The following METTL25B variants were observed in gnomAD, a reference collection of about 807,000 sequenced individuals.
METTL25B encodes the protein methyltransferase-like protein 25B.
A neutral mutation model predicts 48.4 loss-of-function variants in METTL25B; 38 were observed. The ratio of observed to expected loss-of-function variants is 0.78; its 90% CI spans 0.61 to 1.03. METTL25B has a LOEUF of 1.03. METTL25B is among the 50% of genes least tolerant of loss of function. The probability of loss-of-function intolerance (pLI) is 0.00; values close to 1 mark genes in which losing one functional copy is unlikely to be tolerated. For synonymous variants in METTL25B, 230 were observed against 254.5 expected (o/e 0.90, Z 0.92); for missense variants, 537 against 603.7 (o/e 0.89, Z 1.16).
intron 7 of METTL25B, 125 bp from the exon 8 acceptor site, chr1:156,736,507 G>T: frequency 9.2e-7 from 1 of 1,091,510 alleles, no homozygotes. Flanking sequence ...TATGGAGAAC[G>T]GGGTCTCCTT....
intron 3 of METTL25B, 133 bp downstream of exon 3, chr1:156,732,606 T>C: frequency 2.5e-6 from 2 of 801,172 alleles, no homozygotes; most frequent in Non-Finnish European, 3.9e-6. Flanking sequence ...TCAACAGACA[T>C]AACTAATCAT....
chr1:156,736,500 G>A, intron 7 of METTL25B, 132 bp from the exon 8 acceptor site: 1 of 1,021,968 alleles, frequency 9.8e-7, no homozygotes, highest in South Asian at 1.6e-5. Context: ...TGTTCCTTAT[G>A]GAGAACGGGG....
Position 156,728,514 on chromosome 1 carries a change from C to T in METTL25B, c.-591C>T, listed in dbSNP as rs1378602936. ...GGGAAGGCAGGCGCGCGGGTTAGAA[C>T]GCGCCAGAGGTCGGCGCGCGCACAC... is the stretch of plus-strand genomic sequence containing the variant. On this transcript the variant is annotated 5_prime_UTR_variant, in exon 1 of 8. In the 5' UTR this introduces an upstream ATG that the reference lacks. Coordinates refer to ENST00000368216, the MANE Select transcript of METTL25B (RefSeq NM_015997.4). 1 of 985,634 alleles carries T rather than the reference C, an allele frequency of 1.0e-6. No homozygotes were observed. Among genetic ancestry groups the T allele is most frequent in the East Asian group, 1.1e-4 (1 of 8,802 alleles). The allele number at this position is 985,634 out of a possible 1,614,324, so 61.1% of individuals were successfully genotyped here. A position where few individuals can be genotyped will look rare whatever the true frequency, so the allele number is the denominator to read the frequency against.
intron 1 of METTL25B, 109 bp downstream of exon 1, chr1:156,729,324 A>C: frequency 1.5e-6 from 1 of 664,034 alleles, no homozygotes; most frequent in South Asian, 1.7e-5. Flanking sequence ...TCCTTCTATG[A>C]GTTTCAGTCT....
intron 1 of METTL25B, among the ~76,000 whole-genome samples, chr1:156,731,106 ATGT>A (rs1290281146): frequency 6.6e-6 from 1 of 152,012 alleles, no homozygotes; most frequent in Non-Finnish European, 1.5e-5. Flanking sequence ...ATGACATATG[ATGT>A]TGTCTGAAGT....
At chr1:156,736,536 C>T in intron 7 of METTL25B, 96 bp from the exon 8 acceptor site, 1 of 1,470,774 alleles carries the variant, frequency 6.8e-7, no homozygotes, top group Non-Finnish European at 9.3e-7. Flanking sequence ...TGGATCCTCC[C>T]CCATGGGGAA....
chr1:156,735,961 G>A (rs770287063), intron 7 of METTL25B, 52 bp downstream of exon 7: 1 of 1,496,072 alleles, frequency 6.7e-7, no homozygotes. Context: ...TGGGGTTCTG[G>A]GGCTCCTTCT....
In METTL25B at chr1:156,732,982, C is replaced by A. The variant is rs1649423400; in HGVS notation, c.430-3C>A. The A allele has an allele frequency of 6.2e-7, 1 of 1,613,702 alleles. No homozygotes were observed. The highest frequency in any genetic ancestry group is 8.5e-7 in the Non-Finnish European group (1 of 1,179,870). On this transcript the variant is annotated splice_polypyrimidine_tract_variant and splice_region_variant and intron_variant, in intron 3 of 7. Transcript: ENST00000368216. ...AGGAGACCTTTGTTTCCTCCTTTTT[C>A]AGTTGGTGAAGAAGCTGAGTGATTT...
chr1:156,731,557 A>T (rs1039975163), intron 1 of METTL25B, among the ~76,000 whole-genome samples: 9 of 152,236 alleles, frequency 5.9e-5, no homozygotes, highest in African/African-American at 1.9e-4. Flanking sequence ...TGGTGGACGA[A>T]TGAATAAAAA....
chr1:156,734,423 C>T lies in METTL25B; in HGVS notation c.1051C>T (p.Arg351Trp), dbSNP rs776471319. The T allele has an allele frequency of 3.9e-5, 62 of 1,609,562 alleles. No homozygotes were observed. Among genetic ancestry groups the T allele is most frequent in the East Asian group, 6.7e-5 (3 of 44,636 alleles). ...YRAALETVIR[R>W]ARPELRRPGV... ...TGCAGCACTGGAGACAGTCATCCGA[C>T]GGGCCCGGCCCGAGCTCCGTCGGCC... is the stretch of plus-strand genomic sequence containing the variant. The change falls in exon 6 of 8, where the codon CGG (arginine) becomes TGG (tryptophan). Residue 351 changes from arginine to tryptophan, a missense_variant. By Grantham distance (101) the Arg-to-Trp change is moderately radical. Coordinates refer to ENST00000368216, the MANE Select transcript of METTL25B (RefSeq NM_015997.4).
rs1649832333 is a variant in METTL25B, at chr1:156,736,641, C to G, written c.1316C>G (p.Ala439Gly). The G allele has an allele frequency of 6.2e-7, 1 of 1,613,944 alleles. No homozygotes were observed. The highest frequency in any genetic ancestry group is 1.3e-5 in the African/African-American group (1 of 74,932). Residue 439 changes from alanine (A) to glycine (G), a missense_variant, in exon 8 of 8, where the codon GCT becomes GGT. Ala to Gly is a moderately conservative substitution (Grantham distance 60). Coordinates refer to ENST00000368216, the MANE Select transcript of METTL25B (RefSeq NM_015997.4). ...LLYLQEQGFH[A>G]ELLPIFSPEL... ...AAGCCCTTTCTCCCAGGTTTCCATGCTGAGCTCCTGCCCATCTTCAGTCCT... is the reference window on the plus strand; with the variant it reads ...AAGCCCTTTCTCCCAGGTTTCCATGGTGAGCTCCTGCCCATCTTCAGTCCT...
rs1649862572 is a variant in METTL25B, at chr1:156,736,893, T to C, written c.*140T>C. ...CTTCAGTTTCATCCCCTTTCTCTCC[T>C]TCCATGGATTATGTAATACATTGTA... On this transcript the variant is annotated 3_prime_UTR_variant, in exon 8 of 8. Transcript: ENST00000368216. 1 of 737,922 alleles carries C rather than the reference T, an allele frequency of 1.4e-6. No individual in the cohort carries two copies. Among genetic ancestry groups the C allele is most frequent in the Non-Finnish European group, 2.1e-6 (1 of 465,744 alleles). 45.7% of individuals were successfully genotyped at this position (737,922 alleles called of 1,614,324 possible).
chr1:156,733,594 A>G (rs1571514266), intron 5 of METTL25B, 74 bp downstream of exon 5: 1 of 1,489,244 alleles, frequency 6.7e-7, no homozygotes, highest in Non-Finnish European at 9.2e-7. Flanking sequence ...CAGAGGCTGG[A>G]TTACATCTTT....
intron 1 of METTL25B, among the ~76,000 whole-genome samples, chr1:156,730,929 A>G (rs983311042): frequency 1.3e-5 from 2 of 152,256 alleles, no homozygotes; most frequent in African/African-American, 2.4e-5. Flanking sequence ...AAGGTGTTAA[A>G]TAAGTGTTTG....
At chr1:156,736,119 G>A (rs1649772163) in intron 7 of METTL25B, 2 of 425,958 alleles carry the variant, frequency 4.7e-6, no homozygotes, top group Non-Finnish European at 8.4e-6. Flanking sequence ...TATAATCCCA[G>A]CACTTTAGGA....
At position 156,728,591 on chromosome 1, in the gene METTL25B, G is replaced by A. The variant is rs550703904; in HGVS notation, c.-514G>A. On this transcript the variant is annotated 5_prime_UTR_variant, in exon 1 of 8. Coordinates refer to ENST00000368216, the MANE Select transcript of METTL25B (RefSeq NM_015997.4). The stretch of plus-strand genomic sequence containing the variant: ...AGGCCAGTGATTCCGAGTGTGTGAG[G>A]AGCGGCAGTGGCGGCGGAGGAGGGG... The A allele has an allele frequency of 5.1e-6, 5 of 985,818 alleles. No individual in the cohort carries two copies. In the South Asian group the frequency reaches 1.8e-4, roughly 36 times the overall value. The allele number at this position is 985,818 out of a possible 1,614,324, so 61.1% of individuals were successfully genotyped here. A position where few individuals can be genotyped will look rare whatever the true frequency, so the allele number is the denominator to read the frequency against.
chr1:156,733,342 G>T, intron 4 of METTL25B, 35 bp from the exon 5 acceptor site: 1 of 1,613,176 alleles, frequency 6.2e-7, no homozygotes, highest in Non-Finnish European at 8.5e-7. Context: ...ATAGGGCACT[G>T]AACAGGGCTG....
chr1:156,733,327 A>G, intron 4 of METTL25B, 50 bp from the exon 5 acceptor site: 1 of 1,601,140 alleles, frequency 6.2e-7, no homozygotes, highest in Admixed American at 1.7e-5. Flanking sequence ...GGAGGGTGAT[A>G]GTGGATAGGG....
rs1649519397 is a variant in METTL25B at position 156,734,112 on chromosome 1, A to T, written c.740A>T (p.Gln247Leu). ...ELLLPLENPCQGRARLLLTGL... is the reference protein window; with the variant it reads ...ELLLPLENPCLGRARLLLTGL... ...CTGCTTCCACTGGAGAACCCGTGTC[A>T]GGGCAGGGCCCGCTTGCTGCTCACA... is the stretch of plus-strand genomic sequence containing the variant. The change falls in exon 6 of 8, where the codon CAG becomes CTG. Residue 247 changes from glutamine to leucine, a missense_variant. By Grantham distance (113) the Gln-to-Leu change is moderately radical. Coordinates refer to ENST00000368216, the MANE Select transcript of METTL25B (RefSeq NM_015997.4). 6.2e-7 allele frequency: 1 copy of T among 1,614,204 alleles called. No homozygotes were observed. The highest frequency in any genetic ancestry group is 8.5e-7 in the Non-Finnish European group (1 of 1,180,040).
Sources: allele counts gnomAD v4.1 joint callset (sites outside exome capture counted in the v4.1 genomes callset), GRCh38; gene constraint gnomAD v4.1.1; transcripts MANE v1.5; gene names NCBI Gene and HGNC (gene_info 2026-07-23, HGNC 2026-07-21).